UNC13A: variants seen among roughly 807,000 people sequenced by gnomAD.
The protein encoded by UNC13A is unc-13 homolog A.
In UNC13A, 61 loss-of-function variants were observed where a neutral mutation model predicts 219.7. That is an observed-to-expected ratio of 0.28 (90% CI 0.23 to 0.34). The LOEUF (loss-of-function observed/expected upper bound fraction) is 0.34, where lower values mean the gene tolerates loss of function less well. Among genes scored for constraint, UNC13A ranks in the 10% least tolerant of loss-of-function variants. UNC13A has a pLI of 1.00. For missense variants in UNC13A, 1,476 were observed against 2,270.3 expected, an observed-to-expected ratio of 0.65 and a Z score of 7.11; for synonymous variants, 920 against 884.6, an observed-to-expected ratio of 1.04 and a Z score of -0.71.
At chr19:17,642,519 T>A (rs569174852) in intron 20 of UNC13A, among the ~76,000 whole-genome samples, 1 of 152,190 alleles carries the variant, frequency 6.6e-6, no homozygotes, top group South Asian at 2.1e-4. Context: ...GGGATAAGAG[T>A]TCTTTCCAGG....
intron 18 of UNC13A, 43 bp downstream of exon 18, chr19:17,645,927 C>G: frequency 6.2e-7 from 1 of 1,604,780 alleles, no homozygotes; most frequent in Non-Finnish European, 8.5e-7. Flanking sequence ...GCTGCCCCAG[C>G]AGGATGCCCC....
At position 17,606,098 on chromosome 19, in the gene UNC13A, C is replaced by G; in HGVS notation, c.5068G>C (p.Asp1690His). 6.3e-7 allele frequency: 1 copy of G among 1,593,134 alleles called. No homozygotes were observed. The highest frequency in any genetic ancestry group is 8.5e-7 in the Non-Finnish European group (1 of 1,172,430). ...CCGCCCTCCTCGGCGGAGCGCGTGTCCGACTTGAGCTTCACGAACTCCTTG... is the reference window on the plus strand; with the variant it reads ...CCGCCCTCCTCGGCGGAGCGCGTGTGCGACTTGAGCTTCACGAACTCCTTG... ...VAKEFVKLKS[D>H]TRSAEEGGAA... is the part of the protein sequence containing the mutation. Residue 1690 changes from aspartate to histidine, a missense_variant, in exon 44 of 44, where the codon GAC becomes CAC. By Grantham distance (81) the Asp-to-His change is moderately conservative (BLOSUM62 -1). Coordinates refer to ENST00000519716, the MANE Select transcript of UNC13A (RefSeq NM_001080421.3).
intron 17 of UNC13A, among the ~76,000 whole-genome samples, chr19:17,646,839 G>T (rs1406426572): frequency 1.3e-5 from 2 of 152,302 alleles, no homozygotes; most frequent in East Asian, 3.9e-4. Context: ...CCTAAGTGGG[G>T]CCACACTGAG....
At position 17,636,047 on chromosome 19, in the gene UNC13A, A is replaced by T; in HGVS notation, c.3192T>A (p.Asn1064Lys). Residue 1064 changes from asparagine (N) to lysine (K), a missense_variant, in exon 26 of 44, where the codon AAT (asparagine) becomes AAA (lysine). By Grantham distance (94) the Asn-to-Lys change is moderately conservative. Coordinates refer to ENST00000519716, the MANE Select transcript of UNC13A (RefSeq NM_001080421.3). Reference sequence around the variant, plus strand: ...ACTGGTTGAGGCAGGGAGTGTAGGAATTCTTGTCTTCCTCAATGATGGACA... The same window carrying T: ...ACTGGTTGAGGCAGGGAGTGTAGGATTTCTTGTCTTCCTCAATGATGGACA... The part of the protein sequence containing the change: ...LIVSIIEEDK[N>K]SYTPCLNQFP... 1 of 1,612,550 alleles carries T rather than the reference A, an allele frequency of 6.2e-7. No homozygotes were observed. The highest frequency in any genetic ancestry group is 8.5e-7 in the Non-Finnish European group (1 of 1,178,986).
chr19:17,618,314 T>C (rs2076690457), intron 40 of UNC13A, 107 bp downstream of exon 40: 2 of 1,234,292 alleles, frequency 1.6e-6, no homozygotes, highest in East Asian at 2.5e-5. Flanking sequence ...GGAGTGTCCA[T>C]AAATTGAACA....
chr19:17,666,794 CT>C (rs745823870), intron 6 of UNC13A, 90 bp from the exon 7 acceptor site: 10 of 983,730 alleles, frequency 1.0e-5, no homozygotes, highest in Non-Finnish European at 1.4e-5. Flanking sequence ...CCCATCCCGA[CT>C]TCCCTCTACC....
rs536569419 is a variant in UNC13A at position 17,662,748 on chromosome 19, G to A, written c.559+784C>T. Among the ~76,000 whole-genome samples, 182 of 151,918 alleles carry A rather than the reference G, an allele frequency of 1.2e-3. 2 individuals carry two copies. Among genetic ancestry groups the A allele is most frequent in the Non-Finnish European group, 9.6e-4 (65 of 67,990 alleles). On this transcript the variant is annotated intron_variant, in intron 8 of 43. Coordinates refer to ENST00000519716, the MANE Select transcript of UNC13A (RefSeq NM_001080421.3). ...CTCCTGGCTAACACGGTGAAACCCC[G>A]TCTCTACTAAAAATACAAAAAATTA... is the stretch of plus-strand genomic sequence containing the variant.
At chr19:17,679,554 G>A (rs1013857053) in intron 1 of UNC13A, among the ~76,000 whole-genome samples, 4 of 151,664 alleles carry the variant, frequency 2.6e-5, no homozygotes, top group African/African-American at 4.8e-5. Flanking sequence ...GACAGGCTCT[G>A]GGGGGTGATA....
rs1351262866 is a variant in UNC13A, at chr19:17,658,110, C to G, written c.719G>C (p.Ser240Thr). ...PPPLGSRESY[S>T]DSMHSYEEFS... ...CTCCTCGTAACTGTGCATGGAGTCACTGTAGGACTCCCGGGAGCCCAGGGG... is the reference window on the plus strand; with the variant it reads ...CTCCTCGTAACTGTGCATGGAGTCAGTGTAGGACTCCCGGGAGCCCAGGGG... Residue 240 changes from serine to threonine, a missense_variant, in exon 9 of 44, where the codon AGT (serine) becomes ACT (threonine). By Grantham distance (58) the Ser-to-Thr change is moderately conservative. Transcript: ENST00000519716. 6.2e-7 allele frequency: 1 copy of G among 1,613,766 alleles called. No homozygotes were observed. The highest frequency in any genetic ancestry group is 8.5e-7 in the Non-Finnish European group (1 of 1,179,798).
chr19:17,630,554 G>T, intron 29 of UNC13A, 100 bp downstream of exon 29: 1 of 1,298,490 alleles, frequency 7.7e-7, no homozygotes, highest in South Asian at 1.2e-5. Flanking sequence ...CAAAGATGGC[G>T]GACACCTACC....
At chr19:17,629,961 T>C (rs545348452) in intron 30 of UNC13A, among the ~76,000 whole-genome samples, 184 bp downstream of exon 30, 6 of 150,966 alleles carry the variant, frequency 4.0e-5, no homozygotes, top group Middle Eastern at 3.4e-3. Flanking sequence ...TCCAACCTCA[T>C]CTCAACCTCA....
intron 6 of UNC13A, among the ~76,000 whole-genome samples, chr19:17,666,928 CAG>C (rs1399866926): frequency 6.7e-6 from 1 of 150,306 alleles, no homozygotes; most frequent in Non-Finnish European, 1.5e-5. Context: ...GAGACAGAGA[CAG>C]AGACAGAAAA....
intron 20 of UNC13A, 76 bp from the exon 21 acceptor site, chr19:17,641,632 A>G: frequency 3.5e-6 from 5 of 1,448,318 alleles, no homozygotes; most frequent in Non-Finnish European, 4.7e-6. Context: ...GGTCTGGGGC[A>G]GCTTACATCA....
intron 4 of UNC13A, among the ~76,000 whole-genome samples, chr19:17,671,822 A>G (rs1468192130): frequency 6.6e-6 from 1 of 152,154 alleles, no homozygotes; most frequent in African/African-American, 2.4e-5. Flanking sequence ...ACCTGCTGAC[A>G]ATGATGCACA....
intron 19 of UNC13A, among the ~76,000 whole-genome samples, chr19:17,643,444 C>G (rs1484740526): frequency 2.0e-5 from 3 of 151,718 alleles, no homozygotes; most frequent in Non-Finnish European, 2.9e-5. Context: ...CTCAGCCTCC[C>G]GAGTAGCTGG....
intron 3 of UNC13A, among the ~76,000 whole-genome samples, chr19:17,673,998 G>A (rs978768487): frequency 3.3e-5 from 5 of 152,406 alleles, no homozygotes; most frequent in African/African-American, 1.2e-4. Context: ...GCAACAGAGT[G>A]AGGCTCTGCC....
At chr19:17,686,818 A>AGGGGGAGGG (rs1470986699) in intron 1 of UNC13A, among the ~76,000 whole-genome samples, 1 of 72,642 alleles carries the variant, frequency 1.4e-5, no homozygotes, top group Non-Finnish European at 3.0e-5. Flanking sequence ...GAATCGGCCG[A>AGGGGGAGGG]GGGGGAGGGG....
At chr19:17,676,633 C>T (rs59327342) in intron 1 of UNC13A, among the ~76,000 whole-genome samples, 5,347 of 152,222 alleles carry the variant, frequency 0.035, 187 homozygotes, top group African/African-American at 0.087. Flanking sequence ...GCTCAGTCTG[C>T]AATGTCAAAT....
chr19:17,656,167 C>T lies in UNC13A; in HGVS notation c.999G>A (p.Glu333=), dbSNP rs972948426. ...ELEEDLEDFL[E]EEELPEDEEE... The stretch of plus-strand genomic sequence containing the variant: ...CCTCATCTTCAGGCAGCTCCTCCTC[C>T]TCCAGGAAGTCCTCCAGGTCCTCCT... The change falls in exon 10 of 44, where the codon GAG becomes GAA. Residue 333 remains glutamate, a synonymous_variant. Transcript: ENST00000519716. 3 of 1,552,146 alleles carry T rather than the reference C, an allele frequency of 1.9e-6. No individual in the cohort carries two copies. The highest frequency in any genetic ancestry group is 2.6e-6 in the Non-Finnish European group (3 of 1,147,146).
Sources: gnomAD v4.1 joint callset for allele counts (sites outside exome capture counted in the v4.1 genomes callset) on GRCh38, gnomAD v4.1.1 for gene constraint, MANE v1.5 for transcripts, NCBI Gene and HGNC (gene_info 2026-07-23, HGNC 2026-07-21) for gene names.